The following TENM4 variants were observed in gnomAD, a reference collection of about 807,000 sequenced individuals.
The protein encoded by TENM4 is teneurin transmembrane protein 4, also known as teneurin-4.
Under a neutral mutation model 243.3 loss-of-function variants are expected in TENM4, and 82 were observed. The observed-to-expected ratio is 0.34, with a 90% CI of 0.28 to 0.40. The LOEUF (loss-of-function observed/expected upper bound fraction) is 0.40, where lower values mean the gene tolerates loss of function less well. Among genes scored for constraint, TENM4 ranks in the 10% least tolerant of loss-of-function variants. TENM4 has a pLI of 1.00. For synonymous variants in TENM4, 1,412 were observed against 1,456.3 expected (o/e 0.97, Z 0.69); for missense variants, 3,138 against 3,673.3 (o/e 0.85, Z 3.77).
chr11:79,245,414 G>T (rs1268365786), intron 2 of TENM4, among the ~76,000 whole-genome samples: 1 of 152,144 alleles, frequency 6.6e-6, no homozygotes, highest in African/African-American at 2.4e-5. Context: ...TAGAGTCCTG[G>T]CTGGGTGCCC....
At chr11:78,984,784 T>G (rs1043942442) in intron 6 of TENM4, among the ~76,000 whole-genome samples, 2 of 152,068 alleles carry the variant, frequency 1.3e-5, no homozygotes, top group Non-Finnish European at 2.9e-5. Flanking sequence ...ATTTTAACTA[T>G]AAATTTTAAT....
At chr11:78,896,698 A>G (rs1056385025) in intron 7 of TENM4, among the ~76,000 whole-genome samples, 8 of 151,966 alleles carry the variant, frequency 5.3e-5, no homozygotes, top group East Asian at 1.9e-4. Context: ...ACTCCTACCA[A>G]TTTATGCCTG....
intron 2 of TENM4, among the ~76,000 whole-genome samples, chr11:79,225,818 T>C (rs554083203): frequency 3.7e-4 from 57 of 152,288 alleles, no homozygotes; most frequent in Admixed American, 2.0e-3. Flanking sequence ...GGAGGGATGA[T>C]GGTTCTGTGA....
chr11:78,812,422 C>A lies in TENM4; in HGVS notation c.1784-106G>T, dbSNP rs1206243210. On this transcript the variant is annotated intron_variant, in intron 13 of 33. Transcript: ENST00000278550. Reference sequence around the variant, plus strand: ...TGCCTGGCTTCACCAGTAGCCTCAACTGCTCTGCCACAAACACCCATGTGT... The same window carrying A: ...TGCCTGGCTTCACCAGTAGCCTCAAATGCTCTGCCACAAACACCCATGTGT... 4 of 1,319,610 alleles carry A rather than the reference C, an allele frequency of 3.0e-6. No homozygotes were observed. The African/African-American group carries it at 4.4e-5, about 14-fold the overall frequency. 81.7% of individuals were successfully genotyped at this position (1,319,610 alleles called of 1,614,324 possible). A position where few individuals can be genotyped will look rare whatever the true frequency, so the allele number is the denominator to read the frequency against.
At chr11:78,688,963 C>A (rs954131083) in intron 28 of TENM4, among the ~76,000 whole-genome samples, 11 of 152,338 alleles carry the variant, frequency 7.2e-5, no homozygotes, top group African/African-American at 2.4e-4. Flanking sequence ...TACCTACCAT[C>A]ATTGAACACC....
At chr11:79,239,975 C>T (rs187776760) in intron 2 of TENM4, among the ~76,000 whole-genome samples, 22 of 152,300 alleles carry the variant, frequency 1.4e-4, no homozygotes, top group African/African-American at 5.3e-4. Context: ...ACATATGTGA[C>T]ATTATACTGC....
At chr11:78,696,984 T>C (rs1858983605) in intron 28 of TENM4, among the ~76,000 whole-genome samples, 2 of 152,152 alleles carry the variant, frequency 1.3e-5, no homozygotes, top group Admixed American at 6.5e-5. Flanking sequence ...TGATGGAAGA[T>C]GAGGTGAGCA....
chr11:79,431,846 G>C (rs1030547354), intron 1 of TENM4, among the ~76,000 whole-genome samples: 1 of 152,182 alleles, frequency 6.6e-6, no homozygotes, highest in African/African-American at 2.4e-5. Flanking sequence ...GAATTACTCA[G>C]TAGTTGCCAT....
At chr11:78,943,713 C>T (rs1223170762) in intron 6 of TENM4, among the ~76,000 whole-genome samples, 2 of 152,110 alleles carry the variant, frequency 1.3e-5, no homozygotes, top group Admixed American at 6.6e-5. Context: ...AGGTGTGCTA[C>T]TTTAATGTGC....
At chr11:78,801,684 C>T (rs1406262312) in intron 15 of TENM4, among the ~76,000 whole-genome samples, 1 of 152,176 alleles carries the variant, frequency 6.6e-6, no homozygotes, top group East Asian at 1.9e-4. Flanking sequence ...AGGGAATAGA[C>T]AGTGTTCCCT....
rs1857961675 is a variant in TENM4, at chr11:78,658,725, G to A, written c.7643C>T (p.Thr2548Ile). Residue 2548 changes from threonine (T) to isoleucine (I), a missense_variant, in exon 34 of 34, where the codon ACC becomes ATC. Physicochemically the swap from Thr to Ile is moderately conservative, Grantham distance 89 (BLOSUM62 -1). Around this residue, in one of 2 missense-constraint regions of TENM4, gnomAD observed 2,467 missense variants for 3,059.1 expected, o/e 0.81. Coordinates refer to ENST00000278550, the MANE Select transcript of TENM4 (RefSeq NM_001098816.3). ...RFDQLYGSTI[T>I]SCQQAPKTKK... ...GGTCTTTGGAGCCTGCTGGCAGCTGGTGATTGTGGAGCCATAGAGCTGGTC... is the reference window on the plus strand; with the variant it reads ...GGTCTTTGGAGCCTGCTGGCAGCTGATGATTGTGGAGCCATAGAGCTGGTC... 2 of 1,614,022 alleles carry A rather than the reference G, an allele frequency of 1.2e-6. No individual in the cohort carries two copies. The highest frequency in any genetic ancestry group is 2.2e-5 in the East Asian group (1 of 44,886).
intron 12 of TENM4, among the ~76,000 whole-genome samples, chr11:78,851,893 A>C (rs1435496674): frequency 2.0e-5 from 3 of 152,240 alleles, no homozygotes; most frequent in South Asian, 4.1e-4. Context: ...GGGAACCCCA[A>C]GTGATTTGTG....
At chr11:79,035,327 G>T (rs909649023) in intron 6 of TENM4, among the ~76,000 whole-genome samples, 8 of 152,090 alleles carry the variant, frequency 5.3e-5, no homozygotes, top group African/African-American at 1.9e-4. Context: ...ACATTACCTT[G>T]TTGCTTTTAT....
chr11:79,056,578 G>A (rs892956138), intron 6 of TENM4, among the ~76,000 whole-genome samples: 1 of 151,976 alleles, frequency 6.6e-6, no homozygotes, highest in African/African-American at 2.4e-5. Flanking sequence ...GCAGCTTGAG[G>A]CAACCAAGCA....
At chr11:78,947,880 C>T (rs186978747) in intron 6 of TENM4, among the ~76,000 whole-genome samples, 13 of 152,276 alleles carry the variant, frequency 8.5e-5, no homozygotes, top group African/African-American at 1.9e-4. Context: ...GCCAAACCAT[C>T]GGTTCTCTGT....
Position 79,016,991 on chromosome 11 carries a change from A to T in TENM4, c.493+47747T>A, listed in dbSNP as rs375097925. On this transcript the variant is annotated intron_variant, in intron 6 of 33. Coordinates refer to ENST00000278550, the MANE Select transcript of TENM4 (RefSeq NM_001098816.3). ...AGGGACTATAAGACCTATCTCCCAG[A>T]GTTGTCATGAGGCTCAATGTGATGT... 6.6e-4 allele frequency among the ~76,000 whole-genome samples: 100 copies of T among 152,344 alleles called. 1 individual carries two copies. In the South Asian group the frequency reaches 0.015, roughly 23 times the overall value.
chr11:79,145,201 A>G (rs867073221), intron 4 of TENM4, among the ~76,000 whole-genome samples: 4 of 152,096 alleles, frequency 2.6e-5, no homozygotes, highest in African/African-American at 9.6e-5. Context: ...ATGACCTGCT[A>G]TATTTTCTCC....
Position 79,064,934 on chromosome 11 carries a change from G to A in TENM4, c.297C>T (p.Asp99=), listed in dbSNP as rs778983441. The A allele has an allele frequency of 1.6e-5, 25 of 1,534,248 alleles. No individual in the cohort carries two copies. The East Asian group carries it at 3.0e-4, about 18-fold the overall frequency. Residue 99 remains aspartate, a synonymous_variant, in exon 6 of 34, where the codon GAC becomes GAT. Transcript: ENST00000278550. ...AGTAGCCGCAGTGGGGGAGGCCAAT[G>A]TCTGTCCGGTACAGGGTCCCGTGAG... ...TPPHGTLYRT[D]IGLPHCGYSM...
chr11:79,381,960 G>A lies in TENM4; in HGVS notation c.-321+58549C>T, dbSNP rs532153550. On this transcript the variant is annotated intron_variant, in intron 1 of 33. Transcript: ENST00000278550. ...ACACAAATTTCAATGACAACAAGAG[G>A]GTCCAGGCTTTGGTTCATTCCAAGG... is the stretch of plus-strand genomic sequence containing the variant. 6.6e-5 allele frequency among the ~76,000 whole-genome samples: 10 copies of A among 152,200 alleles called. 1 individual carries two copies. The South Asian group carries it at 2.1e-3, about 32-fold the overall frequency.
Sources: allele counts gnomAD v4.1 joint callset (sites outside exome capture counted in the v4.1 genomes callset), GRCh38; gene constraint gnomAD v4.1.1; regional missense constraint gnomAD v4.1.1; transcripts MANE v1.5; gene names NCBI Gene and HGNC (gene_info 2026-07-23, HGNC 2026-07-21).